LOXL2: variants seen among roughly 807,000 people sequenced by gnomAD.
LOXL2 encodes the protein lysyl oxidase homolog 2.
In LOXL2, 70 loss-of-function variants were observed where a neutral mutation model predicts 93.0. The ratio of observed to expected loss-of-function variants is 0.75; its 90% CI spans 0.62 to 0.92. The LOEUF (loss-of-function observed/expected upper bound fraction) is 0.92, where lower values mean the gene tolerates loss of function less well. Ranked by LOEUF, LOXL2 falls within the 40% of genes least tolerant of loss-of-function variation. LOXL2 has a pLI of 0.00. For synonymous variants in LOXL2, 438 were observed against 413.2 expected (o/e 1.06, Z -0.73); for missense variants, 973 against 1,054.9 (o/e 0.92, Z 1.08).
intron 3 of LOXL2, among the ~76,000 whole-genome samples, chr8:23,349,431 G>C (rs1368137258): frequency 6.6e-6 from 1 of 152,094 alleles, no homozygotes; most frequent in Non-Finnish European, 1.5e-5. Flanking sequence ...TATTTGTCCA[G>C]TGCCACCATG....
chr8:23,360,925 A>G (rs967032541), intron 2 of LOXL2, among the ~76,000 whole-genome samples: 1 of 151,586 alleles, frequency 6.6e-6, no homozygotes, highest in Admixed American at 6.6e-5. Context: ...TTTTTTAGAC[A>G]GAGTCTTGCT....
intron 5 of LOXL2, among the ~76,000 whole-genome samples, chr8:23,332,531 C>T (rs1185394273): frequency 9.8e-6 from 1 of 101,814 alleles, no homozygotes; most frequent in Non-Finnish European, 2.0e-5. Context: ...CACACACCCC[C>T]ACTCATACAC....
At chr8:23,398,705 G>A (rs552043680) in intron 1 of LOXL2, among the ~76,000 whole-genome samples, 49 of 152,238 alleles carry the variant, frequency 3.2e-4, no homozygotes, top group Middle Eastern at 3.4e-3. Flanking sequence ...TTGAGACAGG[G>A]TCTCACTCTG....
At chr8:23,374,497 T>C (rs936418067) in intron 1 of LOXL2, among the ~76,000 whole-genome samples, 5 of 152,204 alleles carry the variant, frequency 3.3e-5, no homozygotes, top group African/African-American at 9.6e-5. Context: ...ATGGTATTTC[T>C]AGTTCTAGAT....
At chr8:23,328,666 C>T in intron 5 of LOXL2, 101 bp from the exon 6 acceptor site, 2 of 1,114,878 alleles carry the variant, frequency 1.8e-6, no homozygotes, top group Non-Finnish European at 2.7e-6. Context: ...TGTTCCCAGG[C>T]CAGGCACTCA....
chr8:23,380,631 T>C (rs1585379733), intron 1 of LOXL2, among the ~76,000 whole-genome samples: 1 of 150,730 alleles, frequency 6.6e-6, no homozygotes, highest in East Asian at 1.9e-4. Context: ...AAAATTACTC[T>C]TAAAGTTTTT....
intron 1 of LOXL2, among the ~76,000 whole-genome samples, chr8:23,384,680 G>A (rs555857958): frequency 1.3e-5 from 2 of 152,240 alleles, no homozygotes; most frequent in African/African-American, 4.8e-5. Context: ...TTTGAAGGCC[G>A]AGGCGGGCGG....
intron 1 of LOXL2, among the ~76,000 whole-genome samples, chr8:23,369,005 C>T (rs1200092925): frequency 6.6e-6 from 1 of 152,138 alleles, no homozygotes. Context: ...CCCTTCAACT[C>T]GAAGCCACTG....
intron 10 of LOXL2, among the ~76,000 whole-genome samples, chr8:23,307,567 G>T (rs567255013): frequency 6.6e-6 from 1 of 152,190 alleles, no homozygotes; most frequent in African/African-American, 2.4e-5. Flanking sequence ...TCCTTGGAGC[G>T]TAAGTGTATG....
chr8:23,388,623 T>TCACACA lies in LOXL2; in HGVS notation c.-84+15325_-84+15330dup, dbSNP rs10522826. On this transcript the variant is annotated intron_variant, in intron 1 of 13. Coordinates refer to ENST00000389131, the MANE Select transcript of LOXL2 (RefSeq NM_002318.3). Reference sequence around the variant, plus strand: ...CAAAAACAAAAAGCAAAAAATATACTCACACACACACACACACACACACAC... The same window carrying TCACACA: ...CAAAAACAAAAAGCAAAAAATATACTCACACACACACACACACACACACACACACAC... Among the ~76,000 whole-genome samples the TCACACA allele has an allele frequency of 3.2e-4, 46 of 142,930 alleles. 1 individual carries two copies. The highest frequency in any genetic ancestry group is 4.7e-4 in the South Asian group (2 of 4,296). The allele number at this position is 142,930 out of a possible 152,430, so 93.8% of individuals were successfully genotyped here.
In LOXL2 at chr8:23,318,189, C is replaced by CAAA. The variant is rs199543468; in HGVS notation, c.1471-1076_1471-1075insTTT. Among the ~76,000 whole-genome samples, 547 of 129,848 alleles carry CAAA rather than the reference C, an allele frequency of 4.2e-3. 5 individuals carry two copies. Among genetic ancestry groups the CAAA allele is most frequent in the East Asian group, 0.017 (82 of 4,704 alleles). 85.2% of individuals were successfully genotyped at this position (129,848 alleles called of 152,430 possible). A position where few individuals can be genotyped will look rare whatever the true frequency, so the allele number is the denominator to read the frequency against. On this transcript the variant is annotated intron_variant, in intron 8 of 13. Transcript: ENST00000389131. Reference sequence around the variant, plus strand: ...TCTTAAGGGGTAAAAAAAAAAAAAACCCAAAAAACCTGAGGCCTCCCAAGG... The same window carrying CAAA: ...TCTTAAGGGGTAAAAAAAAAAAAAACAAACCAAAAAACCTGAGGCCTCCCAAGG...
At chr8:23,384,395 C>T (rs897138474) in intron 1 of LOXL2, among the ~76,000 whole-genome samples, 10 of 152,140 alleles carry the variant, frequency 6.6e-5, no homozygotes, top group African/African-American at 2.2e-4. Flanking sequence ...AGGCAGTGAG[C>T]GTTGCTGACA....
At chr8:23,333,994 G>T (rs1367748407) in intron 4 of LOXL2, among the ~76,000 whole-genome samples, 3 of 152,170 alleles carry the variant, frequency 2.0e-5, no homozygotes, top group Non-Finnish European at 2.9e-5. Context: ...CACAGTCGAA[G>T]GTAAACCATG....
intron 1 of LOXL2, among the ~76,000 whole-genome samples, chr8:23,382,134 A>G (rs996411526): frequency 3.9e-5 from 6 of 152,230 alleles, no homozygotes; most frequent in Non-Finnish European, 8.8e-5. Flanking sequence ...TTCGGTTGCC[A>G]TAATGAGTGG....
At chr8:23,305,442 C>T (rs554626955) in intron 10 of LOXL2, among the ~76,000 whole-genome samples, 3 of 152,148 alleles carry the variant, frequency 2.0e-5, no homozygotes, top group African/African-American at 4.8e-5. Flanking sequence ...TAGGCGTATG[C>T]GGTCATCCCT....
intron 10 of LOXL2, 126 bp from the exon 11 acceptor site, chr8:23,303,523 A>C: frequency 1.6e-6 from 1 of 643,668 alleles, no homozygotes; most frequent in Non-Finnish European, 2.8e-6. Flanking sequence ...GGGTGGGGAG[A>C]GGAGTGGATG....
At chr8:23,342,361 G>C (rs955128389) in intron 3 of LOXL2, among the ~76,000 whole-genome samples, 5 of 151,948 alleles carry the variant, frequency 3.3e-5, no homozygotes, top group Non-Finnish European at 7.4e-5. Flanking sequence ...TCTTGCGACA[G>C]TCCCTGACTG....
At chr8:23,330,830 T>G (rs1056930260) in intron 5 of LOXL2, among the ~76,000 whole-genome samples, 1 of 151,310 alleles carries the variant, frequency 6.6e-6, no homozygotes, top group African/African-American at 2.4e-5. Flanking sequence ...GGTGGACTGA[T>G]TGTCGGAGGA....
At chr8:23,307,953 G>GAAAAAAAAAAAAA (rs1554475672) in intron 10 of LOXL2, among the ~76,000 whole-genome samples, 2 of 83,522 alleles carry the variant, frequency 2.4e-5, no homozygotes, top group African/African-American at 9.5e-5. Flanking sequence ...GCTGCGATAT[G>GAAAAAAAAAAAAA]AAAAAAAAAA....
Sources: allele counts gnomAD v4.1 joint callset (sites outside exome capture counted in the v4.1 genomes callset), GRCh38; gene constraint gnomAD v4.1.1; transcripts MANE v1.5; gene names NCBI Gene and HGNC (gene_info 2026-07-23, HGNC 2026-07-21).